FBXW10B: variants seen among roughly 807,000 people sequenced by gnomAD.
FBXW10B encodes the protein F-box and WD repeat domain containing protein 10B.
the FBXW10B span, among the ~76,000 whole-genome samples, chr17:15,592,831 G>A: frequency 1.4e-4 from 22 of 152,114 alleles, no homozygotes; most frequent in East Asian, 1.9e-4. Flanking sequence ...CAGGCCGGGC[G>A]CGGTGGCTCA....
chr17:15,604,387 A>G, the FBXW10B span, among the ~76,000 whole-genome samples: 1 of 152,200 alleles, frequency 6.6e-6, no homozygotes, highest in Non-Finnish European at 1.5e-5. Context: ...TTAGTATAAA[A>G]TTAGAATAAT....
the FBXW10B span, among the ~76,000 whole-genome samples, chr17:15,579,526 T>C: frequency 6.7e-6 from 1 of 149,878 alleles, no homozygotes; most frequent in East Asian, 1.9e-4. Flanking sequence ...TAAATTGTCT[T>C]GATTTGATTA....
At chr17:15,566,999 CG>C in the FBXW10B span, among the ~76,000 whole-genome samples, 3 of 151,360 alleles carry the variant, frequency 2.0e-5, no homozygotes, top group African/African-American at 7.3e-5. Context: ...AGGCCGGGCG[CG>C]GTGGCTCACG....
At chr17:15,604,577 C>G in the FBXW10B span, among the ~76,000 whole-genome samples, 3 of 152,084 alleles carry the variant, frequency 2.0e-5, no homozygotes, top group African/African-American at 7.2e-5. Context: ...CTGTGTCGCC[C>G]AGTCTGGAGT....
At chr17:15,589,027 G>T in the FBXW10B span, 1 of 1,610,484 alleles carries the variant, frequency 6.2e-7, no homozygotes, top group Non-Finnish European at 8.5e-7. Context: ...CGGAGCTGTG[G>T]TTGGGGCCAT....
the FBXW10B span, among the ~76,000 whole-genome samples, chr17:15,567,955 G>A: frequency 3.9e-5 from 6 of 152,060 alleles, no homozygotes; most frequent in Admixed American, 6.6e-5. Context: ...CGCTGAATAA[G>A]CAAACTCAGA....
the FBXW10B span, among the ~76,000 whole-genome samples, chr17:15,585,815 T>A: frequency 3.9e-5 from 6 of 152,284 alleles, no homozygotes; most frequent in Non-Finnish European, 8.8e-5. Flanking sequence ...AGCTTTGCTC[T>A]TGATCTGTCC....
the FBXW10B span, chr17:15,613,543 A>G: frequency 7.8e-7 from 1 of 1,280,454 alleles, no homozygotes; most frequent in Non-Finnish European, 1.1e-6. Context: ...TGAAAGGTCC[A>G]CAGTCATATC....
chr17:15,581,456 G>C, the FBXW10B span, among the ~76,000 whole-genome samples: 3 of 152,108 alleles, frequency 2.0e-5, no homozygotes, highest in African/African-American at 7.2e-5. Context: ...AACACTTGTA[G>C]CTGTATGATT....
chr17:15,613,759 G>A, the FBXW10B span: 3 of 1,613,202 alleles, frequency 1.9e-6, no homozygotes, highest in African/African-American at 2.7e-5. Context: ...AAAAAAAAAA[G>A]ATGGACCCAG....
At chr17:15,602,111 TAAA>T in the FBXW10B span, among the ~76,000 whole-genome samples, 4 of 131,466 alleles carry the variant, frequency 3.0e-5, no homozygotes, top group Non-Finnish European at 3.3e-5. Flanking sequence ...GACTCCGTCT[TAAA>T]AAAAAAAAAA....
chr17:15,597,463 T>TA, the FBXW10B span, among the ~76,000 whole-genome samples: 33,134 of 121,190 alleles, frequency 0.27, 4,516 homozygotes, highest in African/African-American at 0.34. Flanking sequence ...CCGTCTCTAC[T>TA]AAAAAAAAAA....
At chr17:15,601,956 C>CA in the FBXW10B span, among the ~76,000 whole-genome samples, 3 of 151,810 alleles carry the variant, frequency 2.0e-5, no homozygotes, top group East Asian at 1.9e-4. Context: ...ACTAAAAATA[C>CA]AAAAAATTAG....
At chr17:15,571,969 G>GC in the FBXW10B span, 8 of 151,952 alleles carry the variant, frequency 5.3e-5, no homozygotes, top group Non-Finnish European at 1.2e-4. Flanking sequence ...AACGGCGGTG[G>GC]GGGGAGGGGT....
the FBXW10B span, among the ~76,000 whole-genome samples, chr17:15,601,046 T>G: frequency 1.5e-3 from 1 of 668 alleles, no homozygotes; most frequent in African/African-American, 5.1e-3. Flanking sequence ...CGAGACTCCA[T>G]CTCAAAAAAA....
the FBXW10B span, among the ~76,000 whole-genome samples, chr17:15,618,538 G>A: frequency 6.8e-6 from 1 of 146,772 alleles, no homozygotes; most frequent in Non-Finnish European, 1.5e-5. Flanking sequence ...GATAAGCAAG[G>A]AGCATGGTAG....
the FBXW10B span, among the ~76,000 whole-genome samples, chr17:15,587,630 A>G: frequency 6.6e-6 from 1 of 151,832 alleles, no homozygotes; most frequent in Non-Finnish European, 1.5e-5. Context: ...CTAACTCGTC[A>G]TAATTCTACA....
the FBXW10B span, chr17:15,614,009 C>T: frequency 2.5e-5 from 40 of 1,608,612 alleles, no homozygotes; most frequent in Admixed American, 1.2e-4. Flanking sequence ...GGATATACAC[C>T]GGAGTGAATT....
At chr17:15,588,273 AT>A in the FBXW10B span, 2 of 163,336 alleles carry the variant, frequency 1.2e-5, no homozygotes, top group African/African-American at 2.4e-5. Context: ...CCTGTAATTC[AT>A]TACAGACATT....
Sources: allele counts gnomAD v4.1 joint callset (sites outside exome capture counted in the v4.1 genomes callset), GRCh38; gene constraint gnomAD v4.1.1; transcripts MANE v1.5; gene names NCBI Gene and HGNC (gene_info 2026-07-23, HGNC 2026-07-21).